STAT5B: variants seen among roughly 807,000 people sequenced by gnomAD.
The protein encoded by STAT5B is transcription factor STAT5B.
Under a neutral mutation model 107.8 loss-of-function variants are expected in STAT5B, and 21 were observed. The ratio of observed to expected loss-of-function variants is 0.19; its 90% CI spans 0.14 to 0.28. The LOEUF is 0.28. Ranked by LOEUF, STAT5B falls within the 10% of genes least tolerant of loss-of-function variation. STAT5B has a pLI of 1.00. For synonymous variants in STAT5B, 325 were observed against 401.7 expected (o/e 0.81, Z 2.28); for missense variants, 565 against 1,008.2 (o/e 0.56, Z 5.95).
At chr17:42,255,658 C>A (rs1001034550) in intron 1 of STAT5B, among the ~76,000 whole-genome samples, 3 of 152,054 alleles carry the variant, frequency 2.0e-5, no homozygotes, top group Non-Finnish European at 4.4e-5. Flanking sequence ...CGGGGAGGGG[C>A]AAATGGAGAG....
rs781345676 is a variant in STAT5B, at chr17:42,256,861, C to CAAAAAAAA, written c.-11+19379_-11+19386dup. 8.7e-4 allele frequency among the ~76,000 whole-genome samples: 39 copies of CAAAAAAAA among 44,808 alleles called. 5 individuals carry two copies. The highest frequency in any genetic ancestry group is 3.7e-3 in the African/African-American group (39 of 10,634). The allele number at this position is 44,808 out of a possible 152,430, so 29.4% of individuals were successfully genotyped here. A position where few individuals can be genotyped will look rare whatever the true frequency, so the allele number is the denominator to read the frequency against. ...TGGGTGACAGAGCGAGACTCTGTCT[C>CAAAAAAAA]AAAAAAAAAAAAAAAAAAAAAAAAA... On this transcript the variant is annotated intron_variant, in intron 1 of 18. Coordinates refer to ENST00000293328, the MANE Select transcript of STAT5B (RefSeq NM_012448.4).
chr17:42,229,242 C>T (rs923124215), intron 2 of STAT5B, among the ~76,000 whole-genome samples: 1 of 151,996 alleles, frequency 6.6e-6, no homozygotes, highest in Admixed American at 6.6e-5. Context: ...CTCTGCCTCC[C>T]GGGTTCAAGT....
intron 12 of STAT5B, among the ~76,000 whole-genome samples, chr17:42,212,819 T>C (rs1204982965): frequency 6.6e-6 from 1 of 152,232 alleles, no homozygotes; most frequent in Non-Finnish European, 1.5e-5. Flanking sequence ...TTTCACATGA[T>C]TTAAAATTCA....
At chr17:42,206,182 C>T (rs2144205734) in intron 16 of STAT5B, among the ~76,000 whole-genome samples, 1 of 152,132 alleles carries the variant, frequency 6.6e-6, no homozygotes, top group South Asian at 2.1e-4. Flanking sequence ...TCCTGCCTCC[C>T]TGGTTCAAGC....
chr17:42,246,127 G>C (rs1282263820), intron 1 of STAT5B, among the ~76,000 whole-genome samples: 1 of 152,182 alleles, frequency 6.6e-6, no homozygotes, highest in Admixed American at 6.5e-5. Flanking sequence ...TGATTAAATT[G>C]TGTTTAAAAT....
At position 42,276,011 on chromosome 17, in the gene STAT5B, C is replaced by T. The variant is rs2080761911; in HGVS notation, c.-11+237G>A. ...GCGCACGCCCCCCGCGGCGCCGCGG[C>T]GTTCGCAAGTCCCCCTCGCGCACCC... On this transcript the variant is annotated intron_variant, in intron 1 of 18. Transcript: ENST00000293328. This position sits in a 1 kb window ranked among gnomAD's most constrained non-coding sequence, Gnocchi z 4.8. Among the ~76,000 whole-genome samples, 2 of 151,100 alleles carry T rather than the reference C, an allele frequency of 1.3e-5. No homozygotes were observed. The highest frequency in any genetic ancestry group is 1.3e-4 in the Admixed American group (2 of 15,232).
At chr17:42,284,792 TGCCCACAAGGCCCG>T in the STAT5B span, among the ~76,000 whole-genome samples, 1 of 152,218 alleles carries the variant, frequency 6.6e-6, no homozygotes, top group Non-Finnish European at 1.5e-5. Flanking sequence ...ACTGAGACCC[TGCCCACAAGGCCCG>T]GCAACTTGGA....
intron 15 of STAT5B, among the ~76,000 whole-genome samples, chr17:42,209,023 G>A (rs918405493): frequency 3.4e-5 from 5 of 146,472 alleles, no homozygotes; most frequent in East Asian, 2.1e-4. Flanking sequence ...GTGAGCCACC[G>A]CACCCAGCCT....
At chr17:42,219,994 A>C in intron 5 of STAT5B, 152 bp from the exon 6 acceptor site, 1 of 1,385,316 alleles carries the variant, frequency 7.2e-7, no homozygotes, top group Non-Finnish European at 9.7e-7. Context: ...AGGGGGGCCA[A>C]GATGAATGGG....
At chr17:42,203,445 G>C (rs1446530397) in intron 16 of STAT5B, among the ~76,000 whole-genome samples, 1 of 151,630 alleles carries the variant, frequency 6.6e-6, no homozygotes, top group Non-Finnish European at 1.5e-5. Flanking sequence ...AAAGCTTAAA[G>C]TCCAAGATGC....
the STAT5B span, chr17:42,288,209 G>C: frequency 5.6e-3 from 860 of 152,296 alleles, 4 homozygotes; most frequent in Non-Finnish European, 7.8e-3. The surrounding 1 kb of genome is among the most constrained non-coding windows in gnomAD (Gnocchi z 4.8). Flanking sequence ...ACATTCCCCC[G>C]GCTATTCTGA....
At chr17:42,218,130 G>A (rs2080189122) in intron 9 of STAT5B, 21 bp downstream of exon 9, 1 of 1,611,720 alleles carries the variant, frequency 6.2e-7, no homozygotes, top group Non-Finnish European at 8.5e-7. Context: ...AGCAGGGAAT[G>A]AGAGGAAGCT....
At position 42,218,171 on chromosome 17, in the gene STAT5B, G is replaced by A; in HGVS notation, c.1149C>T (p.Leu383=). 6.2e-7 allele frequency: 1 copy of A among 1,614,172 alleles called. No individual in the cohort carries two copies. The highest frequency in any genetic ancestry group is 8.5e-7 in the Non-Finnish European group (1 of 1,180,034). ...ATTACTTGCGGGTGTTCTCGTTCTT[G>A]AGCAGAGACTTGGCCTGCTGCTCAC... ...IISEQQAKSL[L]KNENTRNDYS... The change falls in exon 9 of 19, where the codon CTC becomes CTT. Residue 383 remains leucine, a synonymous_variant. Transcript: ENST00000293328.
At chr17:42,278,839 C>T (rs1395186971), upstream of STAT5B, among the ~76,000 whole-genome samples, 4 of 151,630 alleles carry the variant, frequency 2.6e-5, no homozygotes, top group South Asian at 4.2e-4. Flanking sequence ...ATTAGCTGGA[C>T]GTGGTGGTGC....
chr17:42,201,524 G>GCACACACACACACA lies in STAT5B; in HGVS notation c.*200_*213dup, dbSNP rs57573850. ...GAGAAACACCATAACGTGCAAACAC[G>GCACACACACACACA]CACACACACACACACACACACACAC... is the stretch of plus-strand genomic sequence containing the variant. On this transcript the variant is annotated 3_prime_UTR_variant, in exon 19 of 19. Coordinates refer to ENST00000293328, the MANE Select transcript of STAT5B (RefSeq NM_012448.4). 2 of 617,318 alleles carry GCACACACACACACA rather than the reference G, an allele frequency of 3.2e-6. No individual in the cohort carries two copies. Among genetic ancestry groups the GCACACACACACACA allele is most frequent in the South Asian group, 1.8e-5 (1 of 54,112 alleles). 38.2% of individuals were successfully genotyped at this position (617,318 alleles called of 1,614,324 possible).
At chr17:42,229,908 T>A (rs1246548460) in intron 2 of STAT5B, among the ~76,000 whole-genome samples, 2 of 152,044 alleles carry the variant, frequency 1.3e-5, no homozygotes, top group Non-Finnish European at 2.9e-5. Context: ...AATCTTTATA[T>A]TCTGAAGAAA....
intron 1 of STAT5B, among the ~76,000 whole-genome samples, chr17:42,262,081 A>C (rs948271988): frequency 7.2e-5 from 11 of 152,286 alleles, no homozygotes; most frequent in African/African-American, 2.4e-4. Flanking sequence ...TTAAGGTTGT[A>C]ATTTTATTTA....
chr17:42,258,244 C>T (rs2080563839), intron 1 of STAT5B, among the ~76,000 whole-genome samples: 1 of 152,184 alleles, frequency 6.6e-6, no homozygotes, highest in South Asian at 2.1e-4. Flanking sequence ...CTAAAGCCCA[C>T]CCATTAGTAA....
chr17:42,252,124 T>C (rs569412540), intron 1 of STAT5B, among the ~76,000 whole-genome samples: 17 of 152,214 alleles, frequency 1.1e-4, no homozygotes, highest in Admixed American at 3.9e-4. Flanking sequence ...CATCAAGAAA[T>C]AGACACTCTG....
Sources: allele counts gnomAD v4.1 joint callset (sites outside exome capture counted in the v4.1 genomes callset), GRCh38; gene constraint gnomAD v4.1.1; non-coding constraint Gnocchi (gnomAD v3.1); transcripts MANE v1.5; gene names NCBI Gene and HGNC (gene_info 2026-07-23, HGNC 2026-07-21).